The following PTPN13 variants were observed in gnomAD, a reference collection of about 807,000 sequenced individuals.
The protein encoded by PTPN13 is protein tyrosine phosphatase non-receptor type 13.
PTPN13 carries 191 observed loss-of-function variants against 284.0 expected under a neutral mutation model. That is an observed-to-expected ratio of 0.67 (90% CI 0.60 to 0.76). The LOEUF (loss-of-function observed/expected upper bound fraction) is 0.76. Ranked by LOEUF, PTPN13 falls within the 30% of genes least tolerant of loss-of-function variation. The probability of loss-of-function intolerance (pLI) is 0.00; values close to 1 mark genes in which losing one functional copy is unlikely to be tolerated. For missense variants in PTPN13, 2,797 were observed against 2,939.9 expected (o/e 0.95, Z 1.12); for synonymous variants, 986 against 1,022.3 (o/e 0.96, Z 0.68).
Position 86,750,746 on chromosome 4 carries a change from CCTCT to C in PTPN13, c.2932_2935del (p.Leu978IlefsTer40), listed in dbSNP as rs1383683644. On this transcript the variant is annotated frameshift_variant, in exon 18 of 48. Transcript: ENST00000411767. LOFTEE classifies it high-confidence loss of function. ...AAATCATACCATGATCTCAGTCAGG[CCTCT>C]CTCTATCCACATCGGAAAAATGTCA... The C allele has an allele frequency of 6.2e-7, 1 of 1,613,560 alleles. No individual in the cohort carries two copies. The highest frequency in any genetic ancestry group is 2.2e-5 in the East Asian group (1 of 44,828).
chr4:86,768,797 G>A (rs530473760), intron 28 of PTPN13, among the ~76,000 whole-genome samples: 27 of 144,492 alleles, frequency 1.9e-4, no homozygotes, highest in Middle Eastern at 3.8e-3. Flanking sequence ...TGCAACCTCC[G>A]CCCCTGGGTT....
At chr4:86,736,840 G>T (rs546969091) in intron 15 of PTPN13, among the ~76,000 whole-genome samples, 12 of 152,218 alleles carry the variant, frequency 7.9e-5, no homozygotes, top group Admixed American at 4.6e-4. Flanking sequence ...CATGCCTAAG[G>T]AATATTAGGT....
rs1387790624 is a variant in PTPN13 at position 86,689,113 on chromosome 4, A to T, written c.469A>T (p.Ile157Phe). ...RTVLDACSAHIRNSNCAPSFS... is the reference protein window; with the variant it reads ...RTVLDACSAHFRNSNCAPSFS... ...TGTGCTGGATGCTTGCAGTGCCCAC[A>T]TTAGGAATAGCAATTGTGCACCCTC... The change falls in exon 5 of 48, where the codon ATT becomes TTT. Residue 157 changes from isoleucine (I) to phenylalanine (F), a missense_variant. Physicochemically the swap from Ile to Phe is conservative, Grantham distance 21 (BLOSUM62 0). Coordinates refer to ENST00000411767, the MANE Select transcript of PTPN13 (RefSeq NM_080683.3). 1.2e-6 allele frequency: 2 copies of T among 1,613,080 alleles called. No homozygotes were observed. Among genetic ancestry groups the T allele is most frequent in the Non-Finnish European group, 1.7e-6 (2 of 1,179,162 alleles).
intron 2 of PTPN13, among the ~76,000 whole-genome samples, chr4:86,664,308 C>T (rs1726826476): frequency 6.6e-6 from 1 of 152,050 alleles, no homozygotes; most frequent in South Asian, 2.1e-4. Flanking sequence ...GAATAAAGAT[C>T]AAGAGTATTT....
chr4:86,647,088 A>G (rs1318171760), intron 2 of PTPN13, among the ~76,000 whole-genome samples: 1 of 152,198 alleles, frequency 6.6e-6, no homozygotes, highest in Non-Finnish European at 1.5e-5. Flanking sequence ...TGAAGCAGGG[A>G]ATTATAAAAG....
In PTPN13 at chr4:86,742,139, C is replaced by A. The variant is rs1736233142; in HGVS notation, c.2487+323C>A. Among the ~76,000 whole-genome samples the A allele has an allele frequency of 2.6e-5, 4 of 152,214 alleles. No homozygotes were observed. The South Asian group carries it at 8.3e-4, about 32-fold the overall frequency. On this transcript the variant is annotated intron_variant, in intron 16 of 47. Coordinates refer to ENST00000411767, the MANE Select transcript of PTPN13 (RefSeq NM_080683.3). ...TTGTAACTTCTCACATGGAGAAATC[C>A]TCCTAATGTTTTTAAGAAAGATAGT...
Position 86,771,466 on chromosome 4 carries a change from A to T in PTPN13, c.5099A>T (p.Gln1700Leu). The change falls in exon 31 of 48, where the codon CAA becomes CTA. Residue 1700 changes from glutamine to leucine, a missense_variant. Coordinates refer to ENST00000411767, the MANE Select transcript of PTPN13 (RefSeq NM_080683.3). ...AGTCATCATGAAGCACCCAAGAGTCAAGAAGATACCATTTGTACCATGTTT... is the reference window on the plus strand; with the variant it reads ...AGTCATCATGAAGCACCCAAGAGTCTAGAAGATACCATTTGTACCATGTTT... Reference protein sequence around the residue: ...AQSHHEAPKSQEDTICTMFYY... With the variant: ...AQSHHEAPKSLEDTICTMFYY... The T allele has an allele frequency of 6.4e-7, 1 of 1,566,012 alleles. No homozygotes were observed. Among genetic ancestry groups the T allele is most frequent in the Non-Finnish European group, 8.7e-7 (1 of 1,153,506 alleles).
chr4:86,664,908 A>T (rs1400513176), intron 2 of PTPN13, among the ~76,000 whole-genome samples: 5 of 152,238 alleles, frequency 3.3e-5, no homozygotes, highest in East Asian at 3.9e-4. Flanking sequence ...TTGTCCCATC[A>T]CTTAAGCCTT....
At chr4:86,702,186 A>G (rs1246646772) in intron 7 of PTPN13, among the ~76,000 whole-genome samples, 1 of 152,246 alleles carries the variant, frequency 6.6e-6, no homozygotes, top group Admixed American at 6.5e-5. Flanking sequence ...GTTTGTGGAA[A>G]TAAAAAGCAG....
intron 2 of PTPN13, among the ~76,000 whole-genome samples, chr4:86,659,921 T>C (rs568886904): frequency 1.6e-4 from 24 of 152,106 alleles, no homozygotes; most frequent in African/African-American, 5.8e-4. Flanking sequence ...GAATTTGATG[T>C]CTTTCTAAAC....
intron 5 of PTPN13, among the ~76,000 whole-genome samples, chr4:86,693,001 C>G (rs778114873): frequency 2.7e-5 from 4 of 147,746 alleles, no homozygotes; most frequent in Non-Finnish European, 4.4e-5. Context: ...ATCGCTTGAA[C>G]CTGGGAGGCA....
intron 1 of PTPN13, among the ~76,000 whole-genome samples, chr4:86,605,272 G>A (rs1298591749): frequency 2.6e-5 from 4 of 151,894 alleles, no homozygotes; most frequent in Non-Finnish European, 5.9e-5. Context: ...AAGAAAAGTA[G>A]AACATTGTGA....
At chr4:86,710,189 G>A (rs549895760) in intron 7 of PTPN13, among the ~76,000 whole-genome samples, 1 of 152,166 alleles carries the variant, frequency 6.6e-6, no homozygotes, top group East Asian at 1.9e-4. Context: ...TATTTTGTTA[G>A]GACCCATATC....
chr4:86,729,807 G>A (rs972692098), intron 10 of PTPN13, among the ~76,000 whole-genome samples: 2 of 149,564 alleles, frequency 1.3e-5, no homozygotes, highest in Admixed American at 1.3e-4. Flanking sequence ...GCTCAGAGAA[G>A]TTTATTATTA....
intron 7 of PTPN13, among the ~76,000 whole-genome samples, chr4:86,704,785 TC>T (rs969483800): frequency 6.6e-6 from 1 of 152,092 alleles, no homozygotes. Flanking sequence ...TACCCATTAT[TC>T]CCCCAGAGGA....
chr4:86,787,799 C>A (rs929869737), intron 40 of PTPN13, among the ~76,000 whole-genome samples: 4 of 152,102 alleles, frequency 2.6e-5, no homozygotes, highest in Non-Finnish European at 5.9e-5. Flanking sequence ...CCATGTGAGA[C>A]GTATAAATTT....
intron 3 of PTPN13, among the ~76,000 whole-genome samples, chr4:86,686,354 C>CA (rs927297721): frequency 6.3e-4 from 81 of 128,894 alleles, no homozygotes; most frequent in South Asian, 2.5e-3. Flanking sequence ...GACTCTGCCT[C>CA]AAAAAAAAAA....
intron 7 of PTPN13, among the ~76,000 whole-genome samples, chr4:86,705,871 T>C (rs1359443786): frequency 6.6e-6 from 1 of 152,060 alleles, no homozygotes; most frequent in Admixed American, 6.5e-5. Context: ...TGAGCTGATA[T>C]AATAATTGGA....
intron 33 of PTPN13, 78 bp downstream of exon 33, chr4:86,774,609 G>GT (rs1422328727): frequency 7.4e-7 from 1 of 1,345,510 alleles, no homozygotes; most frequent in Non-Finnish European, 1.0e-6. Flanking sequence ...TTGAATTATT[G>GT]TAATACTGTA....
Sources: allele counts gnomAD v4.1 joint callset (sites outside exome capture counted in the v4.1 genomes callset), GRCh38; gene constraint gnomAD v4.1.1; transcripts MANE v1.5; gene names NCBI Gene and HGNC (gene_info 2026-07-23, HGNC 2026-07-21).